SLIT2: variants seen among roughly 807,000 people sequenced by gnomAD.
SLIT2 encodes the protein slit homolog 2 protein.
A neutral mutation model predicts 185.7 loss-of-function variants in SLIT2; 41 were observed. The observed-to-expected ratio is 0.22, with a 90% confidence interval of 0.17 to 0.29. The LOEUF (loss-of-function observed/expected upper bound fraction) is 0.29, where lower values mean the gene tolerates loss of function less well. Ranked by LOEUF, SLIT2 falls within the 10% of genes least tolerant of loss-of-function variation. SLIT2 has a pLI of 1.00. For synonymous variants in SLIT2, 693 were observed against 680.2 expected, an observed-to-expected ratio of 1.02 and a Z score of -0.29; for missense variants, 1,571 against 1,909.0, an observed-to-expected ratio of 0.82 and a Z score of 3.30.
intron 22 of SLIT2, among the ~76,000 whole-genome samples, chr4:20,546,465 G>A (rs758962657): frequency 4.6e-5 from 7 of 152,190 alleles, no homozygotes; most frequent in Non-Finnish European, 7.4e-5. Flanking sequence ...GACTTTAAGC[G>A]AAAGATGGTA....
chr4:20,261,375 C>T (rs1295409786), intron 3 of SLIT2, among the ~76,000 whole-genome samples: 6 of 151,750 alleles, frequency 4.0e-5, no homozygotes, highest in African/African-American at 1.2e-4. Flanking sequence ...AAGGAAGATA[C>T]CTGTGTATAT....
chr4:20,353,656 T>A (rs982364860), intron 4 of SLIT2, among the ~76,000 whole-genome samples: 2 of 152,282 alleles, frequency 1.3e-5, no homozygotes, highest in South Asian at 4.1e-4. Flanking sequence ...GGTAAATACA[T>A]TAGAGGCTTA....
chr4:20,549,053 T>A lies in SLIT2; in HGVS notation c.2418-4T>A. The A allele has an allele frequency of 1.3e-6, 2 of 1,573,682 alleles. No homozygotes were observed. Among genetic ancestry groups the A allele is most frequent in the Non-Finnish European group, 1.7e-6 (2 of 1,144,102 alleles). The stretch of plus-strand genomic sequence containing the variant: ...AAAACAAATTGACATATGTATGCTT[T>A]CAGAATTCTTAGTTACAACCGTCTG... On this transcript the variant is annotated splice_polypyrimidine_tract_variant and splice_region_variant and intron_variant, in intron 23 of 36. Transcript: ENST00000504154.
intron 4 of SLIT2, among the ~76,000 whole-genome samples, chr4:20,388,790 A>ATATAT (rs199914248): frequency 7.7e-5 from 10 of 130,076 alleles, no homozygotes; most frequent in Non-Finnish European, 1.6e-4. Context: ...AAAAAAAAAA[A>ATATAT]AAATATATAT....
intron 4 of SLIT2, among the ~76,000 whole-genome samples, chr4:20,344,012 G>A (rs1011618936): frequency 3.3e-5 from 5 of 151,980 alleles, no homozygotes; most frequent in East Asian, 1.9e-4. Flanking sequence ...CACCACACCC[G>A]GCTAATGTTT....
chr4:20,300,595 T>TGCA (rs1336013629), intron 4 of SLIT2, among the ~76,000 whole-genome samples: 2 of 118,174 alleles, frequency 1.7e-5, no homozygotes, highest in Non-Finnish European at 3.5e-5. Flanking sequence ...TGTAGACACG[T>TGCA]GCAGACATGC....
At chr4:20,584,192 T>C (rs1291901428) in intron 29 of SLIT2, among the ~76,000 whole-genome samples, 2 of 152,236 alleles carry the variant, frequency 1.3e-5, no homozygotes, top group African/African-American at 4.8e-5. Flanking sequence ...AGTTTACTGA[T>C]GAAGAACTGA....
At chr4:20,366,949 C>T (rs1252701274) in intron 4 of SLIT2, among the ~76,000 whole-genome samples, 1 of 152,000 alleles carries the variant, frequency 6.6e-6, no homozygotes, top group Non-Finnish European at 1.5e-5. Context: ...AGGCAACCAT[C>T]ACCACCCCTG....
intron 34 of SLIT2, among the ~76,000 whole-genome samples, chr4:20,612,652 T>A (rs1004253194): frequency 4.5e-4 from 68 of 152,114 alleles, no homozygotes; most frequent in African/African-American, 1.6e-3. Context: ...GCGCGGTGGC[T>A]CACGTCCGTA....
At position 20,502,128 on chromosome 4, in the gene SLIT2, C is replaced by T. The variant is rs576620440; in HGVS notation, c.915-8367C>T. ...AACTTAAGCAGAAAACTATATAATG[C>T]CTTTCTCAAAAGAAAAATGTAGAAG... On this transcript the variant is annotated intron_variant, in intron 9 of 36. Transcript: ENST00000504154. Among the ~76,000 whole-genome samples the T allele has an allele frequency of 1.8e-4, 28 of 152,128 alleles. No individual in the cohort carries two copies. In the East Asian group the frequency reaches 5.0e-3, roughly 27 times the overall value.
chr4:20,476,463 G>A (rs74693798), intron 5 of SLIT2, among the ~76,000 whole-genome samples: 4 of 151,900 alleles, frequency 2.6e-5, no homozygotes, highest in African/African-American at 4.8e-5. Context: ...ACTATTTCTA[G>A]CACTTTAAAT....
At chr4:20,386,889 G>T (rs1251597228) in intron 4 of SLIT2, among the ~76,000 whole-genome samples, 1 of 152,106 alleles carries the variant, frequency 6.6e-6, no homozygotes, top group South Asian at 2.1e-4. Context: ...CATGAACCAC[G>T]GGGTATGTGG....
intron 22 of SLIT2, among the ~76,000 whole-genome samples, chr4:20,548,158 T>C (rs1268989230): frequency 6.6e-6 from 1 of 152,016 alleles, no homozygotes; most frequent in East Asian, 1.9e-4. Context: ...TCAAAAGCCT[T>C]ATGGAGATGG....
intron 4 of SLIT2, among the ~76,000 whole-genome samples, chr4:20,288,444 T>A (rs1382514851): frequency 1.3e-5 from 2 of 152,256 alleles, no homozygotes; most frequent in African/African-American, 4.8e-5. Context: ...GTGCATGTGC[T>A]CTGCACGTGT....
chr4:20,542,710 T>C, intron 21 of SLIT2, 84 bp downstream of exon 21: 1 of 1,359,570 alleles, frequency 7.4e-7, no homozygotes, highest in Non-Finnish European at 1.0e-6. Context: ...CAAAAATCTT[T>C]ACAATCTTCT....
At chr4:20,402,138 G>T (rs1726411727) in intron 4 of SLIT2, among the ~76,000 whole-genome samples, 1 of 151,576 alleles carries the variant, frequency 6.6e-6, no homozygotes, top group Middle Eastern at 3.2e-3. Context: ...CAGGAAGTTG[G>T]TCCTGGAAGT....
At chr4:20,451,816 C>T (rs925380497) in intron 4 of SLIT2, among the ~76,000 whole-genome samples, 7 of 152,122 alleles carry the variant, frequency 4.6e-5, no homozygotes, top group African/African-American at 1.4e-4. Context: ...GCATCTAAAT[C>T]GAGTTTCAAG....
intron 4 of SLIT2, among the ~76,000 whole-genome samples, chr4:20,278,182 T>C (rs1157963870): frequency 6.6e-6 from 1 of 152,086 alleles, no homozygotes; most frequent in Non-Finnish European, 1.5e-5. Context: ...AGTCTTTTTC[T>C]AAATACACTG....
chr4:20,390,575 C>A lies in SLIT2; in HGVS notation c.396-77177C>A, dbSNP rs567079172. ...CATCACAAAGTTCCTATGGCACTGT[C>A]GGCCTGCTGCATTGAAGAATGACTA... On this transcript the variant is annotated intron_variant, in intron 4 of 36. Coordinates refer to ENST00000504154, the MANE Select transcript of SLIT2 (RefSeq NM_004787.4). Among the ~76,000 whole-genome samples, 87 of 152,098 alleles carry A rather than the reference C, an allele frequency of 5.7e-4. No homozygotes were observed. The South Asian group carries it at 0.015, about 25-fold the overall frequency.
Sources: gnomAD v4.1 joint callset for allele counts (sites outside exome capture counted in the v4.1 genomes callset) on GRCh38, gnomAD v4.1.1 for gene constraint, MANE v1.5 for transcripts, NCBI Gene and HGNC (gene_info 2026-07-23, HGNC 2026-07-21) for gene names.